Variants in ANKRD42 observed in about 807,000 individuals in gnomAD.
ANKRD42 encodes ankyrin repeat domain 42.
ANKRD42 carries 43 observed loss-of-function variants against 51.5 expected under a neutral mutation model. The observed-to-expected ratio is 0.83, with a 90% CI of 0.65 to 1.08. The LOEUF (loss-of-function observed/expected upper bound fraction) is 1.08, where lower values mean the gene tolerates loss of function less well. Ranked by LOEUF, ANKRD42 falls within the 50% of genes least tolerant of loss-of-function variation. The pLI is 0.00. For missense variants in ANKRD42, 608 were observed against 629.3 expected, an observed-to-expected ratio of 0.97 and a Z score of 0.36; for synonymous variants, 203 against 213.0, an observed-to-expected ratio of 0.95 and a Z score of 0.41.
Position 83,248,052 on chromosome 11 carries a change from C to T in ANKRD42, c.1432C>T (p.Leu478=), listed in dbSNP as rs751504384. ...RAEVDQLRET[L]EKIQVPNFVA... ...AGAAGTTGATCAACTCAGGGAAACACTGGAAAAAATTCAAGTCCCAAACTT... is the reference window on the plus strand; with the variant it reads ...AGAAGTTGATCAACTCAGGGAAACATTGGAAAAAATTCAAGTCCCAAACTT... Residue 478 remains leucine (L), a synonymous_variant, in exon 11 of 11, where the codon CTG becomes TTG. Coordinates refer to ENST00000533342, the MANE Select transcript of ANKRD42 (RefSeq NM_001300975.2). 3 of 1,599,544 alleles carry T rather than the reference C, an allele frequency of 1.9e-6. No homozygotes were observed. The Admixed American group carries it at 5.2e-5, about 28-fold the overall frequency.
At chr11:83,199,380 A>G (rs1861782010) in intron 2 of ANKRD42, among the ~76,000 whole-genome samples, 2 of 152,116 alleles carry the variant, frequency 1.3e-5, no homozygotes. Context: ...ATGATATCAC[A>G]TTATGTATAT....
intron 1 of ANKRD42, 119 bp from the exon 2 acceptor site, chr11:83,198,360 T>C: frequency 1.0e-6 from 1 of 983,180 alleles, no homozygotes; most frequent in Non-Finnish European, 1.5e-6. Context: ...CAAACATCTT[T>C]GTAGTAAATT....
Position 83,225,056 on chromosome 11 carries a change from G to C in ANKRD42, c.787+1G>C. ...GGAAAAGACCTAGAGGATCAGGAAAGTAAGTAATTAAGTTATATGTTCTAG... is the reference window on the plus strand; with the variant it reads ...GGAAAAGACCTAGAGGATCAGGAAACTAAGTAATTAAGTTATATGTTCTAG... On this transcript the variant is annotated splice_donor_variant, in intron 6 of 10. Coordinates refer to ENST00000533342, the MANE Select transcript of ANKRD42 (RefSeq NM_001300975.2). LOFTEE classifies it high-confidence loss of function. The C allele has an allele frequency of 6.2e-7, 1 of 1,609,528 alleles. No homozygotes were observed. The highest frequency in any genetic ancestry group is 8.5e-7 in the Non-Finnish European group (1 of 1,176,658).
At chr11:83,251,436 T>C (rs994658184), downstream of ANKRD42, among the ~76,000 whole-genome samples, 15 of 152,216 alleles carry the variant, frequency 9.9e-5, no homozygotes, top group African/African-American at 3.6e-4. Flanking sequence ...TTTGAGTATG[T>C]TGGGCTTAGT....
intron 5 of ANKRD42, among the ~76,000 whole-genome samples, chr11:83,219,086 G>T (rs767201709): frequency 6.6e-6 from 1 of 152,124 alleles, no homozygotes; most frequent in African/African-American, 2.4e-5. Context: ...TTCAAGGTGT[G>T]GTGCTCATCC....
downstream of ANKRD42, chr11:83,259,868 T>TATCA (rs376967345): frequency 6.6e-6 from 1 of 152,392 alleles, no homozygotes; most frequent in Non-Finnish European, 1.5e-5. Flanking sequence ...GTAAGCTTCT[T>TATCA]ATCACTGAAC....
At chr11:83,197,105 G>C (rs1370252505) in intron 1 of ANKRD42, among the ~76,000 whole-genome samples, 1 of 152,160 alleles carries the variant, frequency 6.6e-6, no homozygotes, top group Non-Finnish European at 1.5e-5. Flanking sequence ...ATGTGTACAT[G>C]TGCACACCTT....
downstream of ANKRD42, among the ~76,000 whole-genome samples, chr11:83,251,440 G>T (rs1863673760): frequency 6.6e-6 from 1 of 152,072 alleles, no homozygotes; most frequent in Non-Finnish European, 1.5e-5. Flanking sequence ...AGTATGTTGG[G>T]CTTAGTGTTA....
rs536189501 is a variant in ANKRD42 at position 83,227,840 on chromosome 11, G to T, written c.881G>T (p.Arg294Leu). Residue 294 changes from arginine (R) to leucine (L), a missense_variant, in exon 7 of 11, where the codon CGT becomes CTT. By Grantham distance (102) the Arg-to-Leu change is moderately radical. Coordinates refer to ENST00000533342, the MANE Select transcript of ANKRD42 (RefSeq NM_001300975.2). ...VEDGVININE[R>L]ADNGSTPMHK... ...GATGGAGTAATCAATATTAATGAGC[G>T]TGCTGATAATGGATCAACTCCTATG... 12 of 1,611,880 alleles carry T rather than the reference G, an allele frequency of 7.4e-6. No homozygotes were observed. The East Asian group carries it at 2.7e-4, about 36-fold the overall frequency.
intron 2 of ANKRD42, among the ~76,000 whole-genome samples, chr11:83,201,698 A>G (rs1861877355): frequency 6.6e-6 from 1 of 152,178 alleles, no homozygotes; most frequent in South Asian, 2.1e-4. Flanking sequence ...TGTCATTCTA[A>G]CTGGTGTGAG....
chr11:83,228,900 T>C (rs775043718), intron 7 of ANKRD42, among the ~76,000 whole-genome samples: 8 of 152,024 alleles, frequency 5.3e-5, no homozygotes, highest in Non-Finnish European at 1.0e-4. Flanking sequence ...CTGTGAGATA[T>C]GTGAATGGGG....
chr11:83,210,306 A>G lies in ANKRD42; in HGVS notation c.337A>G (p.Ile113Val), dbSNP rs1565180444. ...RGQDACVQAL[I>V]MNGANLTAQD... The stretch of plus-strand genomic sequence containing the variant: ...CCTATTTCTCTATTTTTAGGCTCTT[A>G]TAATGAATGGAGCAAATCTGACAGC... The change falls in exon 4 of 11, where the codon ATA becomes GTA. Residue 113 changes from isoleucine (I) to valine (V), a missense_variant. By Grantham distance (29) the Ile-to-Val change is conservative. Coordinates refer to ENST00000533342, the MANE Select transcript of ANKRD42 (RefSeq NM_001300975.2). 1.2e-6 allele frequency: 2 copies of G among 1,613,612 alleles called. No individual in the cohort carries two copies. Among genetic ancestry groups the G allele is most frequent in the Admixed American group, 1.7e-5 (1 of 60,024 alleles).
Position 83,242,482 on chromosome 11 carries a change from T to C in ANKRD42, c.1195+1548T>C, listed in dbSNP as rs796958197. ...AGAGAAAGATGATAGGATTTGCTGA[T>C]AGATGTGGCTATGAGGTGTTAGAAA... On this transcript the variant is annotated intron_variant, in intron 9 of 10. Coordinates refer to ENST00000533342, the MANE Select transcript of ANKRD42 (RefSeq NM_001300975.2). 1.1e-4 allele frequency among the ~76,000 whole-genome samples: 16 copies of C among 151,592 alleles called. 1 individual carries two copies. Among genetic ancestry groups the C allele is most frequent in the African/African-American group, 2.7e-4 (11 of 41,284 alleles).
chr11:83,256,134 T>C (rs1487103660), downstream of ANKRD42: 8 of 384,822 alleles, frequency 2.1e-5, no homozygotes, highest in Admixed American at 8.5e-5. Flanking sequence ...CCCGATATTC[T>C]TCTTATATAT....
At chr11:83,227,557 AAGG>A (rs1248860044) in intron 6 of ANKRD42, among the ~76,000 whole-genome samples, 187 bp from the exon 7 acceptor site, 1 of 152,200 alleles carries the variant, frequency 6.6e-6, no homozygotes, top group African/African-American at 2.4e-5. Flanking sequence ...CTGAGGGTAA[AAGG>A]AGTAGAATGA....
intron 9 of ANKRD42, among the ~76,000 whole-genome samples, chr11:83,242,567 G>GTTTTTTTTTTGTTTTTTTTTTTTTT (rs770772334): frequency 5.7e-4 from 66 of 115,536 alleles, no homozygotes; most frequent in Non-Finnish European, 9.4e-4. Flanking sequence ...TGGTAGTTAA[G>GTTTTTTTTTTGTTTTTTTTTTTTTT]TTTTTTTTTT....
intron 2 of ANKRD42, among the ~76,000 whole-genome samples, chr11:83,199,480 A>T (rs575011305): frequency 6.6e-6 from 1 of 152,140 alleles, no homozygotes; most frequent in South Asian, 2.1e-4. Flanking sequence ...TCTTTCAGCC[A>T]TGTCGTTTAT....
At chr11:83,264,082 G>A (rs1275250113), downstream of ANKRD42, among the ~76,000 whole-genome samples, 1 of 151,866 alleles carries the variant, frequency 6.6e-6, no homozygotes, top group Non-Finnish European at 1.5e-5. Context: ...ACTAGCACAG[G>A]GCCACCAAGA....
chr11:83,242,140 A>G (rs375431392), intron 9 of ANKRD42, among the ~76,000 whole-genome samples: 1 of 152,306 alleles, frequency 6.6e-6, no homozygotes, highest in African/African-American at 2.4e-5. Context: ...AAGAGCTTAC[A>G]TTAACATTCT....
Sources: gnomAD v4.1 joint callset for allele counts (sites outside exome capture counted in the v4.1 genomes callset) on GRCh38, gnomAD v4.1.1 for gene constraint, MANE v1.5 for transcripts, NCBI Gene and HGNC (gene_info 2026-07-23, HGNC 2026-07-21) for gene names.